Variants in ZBTB20 observed in about 807,000 individuals in gnomAD.
ZBTB20 encodes zinc finger and BTB domain containing 20, also known as zinc finger and BTB domain-containing protein 20.
Under a neutral mutation model 56.9 loss-of-function variants are expected in ZBTB20, and 9 were observed. That is an observed-to-expected ratio of 0.16 (90% CI 0.10 to 0.28). The LOEUF (loss-of-function observed/expected upper bound fraction) is 0.28, where lower values mean the gene tolerates loss of function less well. Ranked by LOEUF, ZBTB20 falls within the 10% of genes least tolerant of loss-of-function variation. The pLI is 1.00. For synonymous variants in ZBTB20, 417 were observed against 420.7 expected, an observed-to-expected ratio of 0.99 and a Z score of 0.11; for missense variants, 655 against 1,003.0, an observed-to-expected ratio of 0.65 and a Z score of 4.69.
chr3:114,788,248 C>T (rs1304087943), intron 5 of ZBTB20, among the ~76,000 whole-genome samples: 1 of 152,112 alleles, frequency 6.6e-6, no homozygotes, highest in African/African-American at 2.4e-5. Context: ...GTGTACAGTT[C>T]AGTGGCATTA....
At chr3:114,412,028 G>A (rs1466607590) in intron 7 of ZBTB20, among the ~76,000 whole-genome samples, 1 of 152,082 alleles carries the variant, frequency 6.6e-6, no homozygotes, top group Admixed American at 6.6e-5. Context: ...ATCCACAAGA[G>A]GTCAGGGCAA....
In ZBTB20 at chr3:114,673,469, T is replaced by A. The variant is rs1192345769; in HGVS notation, c.-295+20059A>T. ...CTCGACTATTTAACTGATCAGTGAA[T>A]TAGCCAGAAGATTTAGGCTGCCAAG... is the stretch of plus-strand genomic sequence containing the variant. On this transcript the variant is annotated intron_variant, in intron 6 of 11. Coordinates refer to ENST00000675478, the MANE Select transcript of ZBTB20 (RefSeq NM_001348800.3). 2.6e-5 allele frequency among the ~76,000 whole-genome samples: 4 copies of A among 152,168 alleles called. No individual in the cohort carries two copies. The East Asian group carries it at 7.7e-4, about 29-fold the overall frequency.
chr3:114,547,716 T>C (rs1319085893), intron 6 of ZBTB20, among the ~76,000 whole-genome samples: 1 of 152,182 alleles, frequency 6.6e-6, no homozygotes, highest in African/African-American at 2.4e-5. Flanking sequence ...TTTCTTTCAA[T>C]TGAAATCTTT....
At chr3:114,355,832 GAA>G (rs373101988) in intron 10 of ZBTB20, among the ~76,000 whole-genome samples, 3 of 144,154 alleles carry the variant, frequency 2.1e-5, no homozygotes, top group Non-Finnish European at 4.6e-5. Context: ...GGCTATTCAA[GAA>G]AAAAAAAACA....
intron 4 of ZBTB20, among the ~76,000 whole-genome samples, chr3:114,871,142 G>A (rs1425436286): frequency 3.9e-5 from 6 of 152,090 alleles, no homozygotes; most frequent in Non-Finnish European, 8.8e-5. Context: ...CCACATACAC[G>A]TACACCTCAA....
chr3:114,871,281 C>A (rs1439068838), intron 4 of ZBTB20, among the ~76,000 whole-genome samples: 1 of 152,058 alleles, frequency 6.6e-6, no homozygotes, highest in Non-Finnish European at 1.5e-5. Flanking sequence ...CAAATCAGGG[C>A]AATCTATGAT....
At chr3:114,366,477 C>T (rs544777755) in intron 10 of ZBTB20, among the ~76,000 whole-genome samples, 11 of 152,128 alleles carry the variant, frequency 7.2e-5, no homozygotes, top group Admixed American at 1.3e-4. Flanking sequence ...ATCTAATTTG[C>T]GTCTTTGGAT....
Position 114,598,454 on chromosome 3 carries a change from T to C in ZBTB20, c.-295+95074A>G, listed in dbSNP as rs188056701. Among the ~76,000 whole-genome samples, 7 of 151,858 alleles carry C rather than the reference T, an allele frequency of 4.6e-5. No individual in the cohort carries two copies. In the East Asian group the frequency reaches 1.4e-3, roughly 29 times the overall value. ...TGCTATATGACAGGATATGACATTA[T>C]ATATGCTCAATCCCTCTTGTATAAA... On this transcript the variant is annotated intron_variant, in intron 6 of 11. Coordinates refer to ENST00000675478, the MANE Select transcript of ZBTB20 (RefSeq NM_001348800.3).
intron 5 of ZBTB20, among the ~76,000 whole-genome samples, chr3:114,729,217 T>C (rs2065540775): frequency 6.6e-6 from 1 of 152,160 alleles, no homozygotes; most frequent in Admixed American, 6.6e-5. Flanking sequence ...TAAAAGACTA[T>C]CCAACATTAA....
chr3:114,991,044 T>G (rs2078784119), intron 2 of ZBTB20, among the ~76,000 whole-genome samples: 1 of 152,210 alleles, frequency 6.6e-6, no homozygotes, highest in African/African-American at 2.4e-5. Context: ...TGTTGATCTT[T>G]TCAAAAAACC....
chr3:114,555,091 T>C (rs551317969), intron 6 of ZBTB20, among the ~76,000 whole-genome samples: 1 of 152,272 alleles, frequency 6.6e-6, no homozygotes, highest in South Asian at 2.1e-4. Flanking sequence ...TTTCTTATAC[T>C]TGAAGAAGCT....
chr3:114,399,025 C>CTAG (rs1162010911), intron 7 of ZBTB20, among the ~76,000 whole-genome samples: 1 of 152,058 alleles, frequency 6.6e-6, no homozygotes, highest in Non-Finnish European at 1.5e-5. Context: ...TTGTCTCGGG[C>CTAG]TAGTGTGTAA....
intron 4 of ZBTB20, among the ~76,000 whole-genome samples, chr3:114,832,519 G>A (rs2073905776): frequency 6.6e-6 from 1 of 151,914 alleles, no homozygotes; most frequent in African/African-American, 2.4e-5. Context: ...AAGGGAACAA[G>A]GGGACAGCCA....
intron 3 of ZBTB20, among the ~76,000 whole-genome samples, 155 bp downstream of exon 3, chr3:114,974,211 G>C (rs563473093): frequency 1.3e-5 from 2 of 151,530 alleles, no homozygotes; most frequent in Non-Finnish European, 2.9e-5. Context: ...ATTATTTTTA[G>C]GTATACATAG....
At chr3:114,612,706 C>A (rs2057649703) in intron 6 of ZBTB20, among the ~76,000 whole-genome samples, 2 of 152,040 alleles carry the variant, frequency 1.3e-5, no homozygotes, top group South Asian at 4.1e-4. Context: ...ATTAATTAAG[C>A]TTTGGATGTT....
intron 4 of ZBTB20, among the ~76,000 whole-genome samples, chr3:114,866,257 T>C (rs184281412): frequency 6.6e-6 from 1 of 152,328 alleles, no homozygotes; most frequent in African/African-American, 2.4e-5. Context: ...GTATGTAGTG[T>C]TATCATCCCA....
chr3:115,134,807 GC>G (rs2084611152), intron 1 of ZBTB20, among the ~76,000 whole-genome samples: 1 of 152,138 alleles, frequency 6.6e-6, no homozygotes, highest in Non-Finnish European at 1.5e-5. Flanking sequence ...ACTCACTGGA[GC>G]TCAGGTCTGG....
At chr3:114,761,910 G>A (rs779405550) in intron 5 of ZBTB20, among the ~76,000 whole-genome samples, 7 of 151,994 alleles carry the variant, frequency 4.6e-5, no homozygotes, top group Non-Finnish European at 7.4e-5. Flanking sequence ...CAGAATAGGT[G>A]TAAAATATAT....
At position 114,346,553 on chromosome 3, in the gene ZBTB20, A is replaced by G. The variant is rs574238486; in HGVS notation, c.1804+3721T>C. On this transcript the variant is annotated intron_variant, in intron 11 of 11. Coordinates refer to ENST00000675478, the MANE Select transcript of ZBTB20 (RefSeq NM_001348800.3). Reference sequence around the variant, plus strand: ...ATTACAGTACAATCGTCTTTCATTTATGCCTCTACTTTAAATTTTTGGGTT... The same window carrying G: ...ATTACAGTACAATCGTCTTTCATTTGTGCCTCTACTTTAAATTTTTGGGTT... Among the ~76,000 whole-genome samples, 10 of 152,334 alleles carry G rather than the reference A, an allele frequency of 6.6e-5. No individual in the cohort carries two copies. In the South Asian group the frequency reaches 2.1e-3, roughly 32 times the overall value.
Sources: allele counts gnomAD v4.1 joint callset (sites outside exome capture counted in the v4.1 genomes callset), GRCh38; gene constraint gnomAD v4.1.1; transcripts MANE v1.5; gene names NCBI Gene and HGNC (gene_info 2026-07-23, HGNC 2026-07-21).